Variants in SPSB4 observed in about 807,000 individuals in gnomAD.
SPSB4 encodes the protein splA/ryanodine receptor domain and SOCS box containing 4.
SPSB4 carries 21 observed loss-of-function variants against 20.9 expected under a neutral mutation model. That is an observed-to-expected ratio of 1.01 (90% CI 0.71 to 1.45). The LOEUF (loss-of-function observed/expected upper bound fraction) is 1.45, where lower values mean the gene tolerates loss of function less well. Among genes scored for constraint, SPSB4 ranks in the 40% most tolerant of loss-of-function variants. The pLI, the probability that SPSB4 is intolerant of heterozygous loss-of-function variation, is 0.00. For missense variants in SPSB4, 399 were observed against 399.2 expected, an observed-to-expected ratio of 1.00 and a Z score of 0.00; for synonymous variants, 207 against 183.8, an observed-to-expected ratio of 1.13 and a Z score of -1.02.
At chr3:141,052,019 G>C (rs1370611729) in intron 1 of SPSB4, 27 bp downstream of exon 1, 1 of 152,658 alleles carries the variant, frequency 6.6e-6, no homozygotes, top group Non-Finnish European at 1.5e-5. Context: ...TCCTGGTGAG[G>C]GGCGCGCGGG....
At position 141,132,654 on chromosome 3, in the gene SPSB4, A is replaced by G. The variant is rs578186249; in HGVS notation, c.695-14488A>G. Among the ~76,000 whole-genome samples the G allele has an allele frequency of 4.2e-3, 347 of 83,192 alleles. 1 individual carries two copies. The highest frequency in any genetic ancestry group is 5.6e-3 in the Non-Finnish European group (258 of 46,438). 54.6% of individuals were successfully genotyped at this position (83,192 alleles called of 152,430 possible). On this transcript the variant is annotated intron_variant, in intron 2 of 2. Coordinates refer to ENST00000310546, the MANE Select transcript of SPSB4 (RefSeq NM_080862.3). ...CTGAGTAGTATTCCAAGGTGTGTGT[A>G]TATATATATATATATATTATCATAT...
chr3:141,064,881 C>A (rs760373161), intron 1 of SPSB4, among the ~76,000 whole-genome samples: 38 of 152,304 alleles, frequency 2.5e-4, no homozygotes, highest in Non-Finnish European at 4.7e-4. Context: ...AAACCAGGAT[C>A]CTGTCTCAGG....
chr3:141,113,515 G>T (rs567407060), intron 2 of SPSB4, among the ~76,000 whole-genome samples: 1 of 152,206 alleles, frequency 6.6e-6, no homozygotes, highest in Non-Finnish European at 1.5e-5. Context: ...AAAACATTGT[G>T]CTAAGTGAAA....
At chr3:141,105,939 C>G (rs919521158) in intron 2 of SPSB4, among the ~76,000 whole-genome samples, 1 of 152,194 alleles carries the variant, frequency 6.6e-6, no homozygotes, top group Admixed American at 6.5e-5. Flanking sequence ...TAAAATTCCA[C>G]ACTACATGTG....
chr3:141,112,385 C>T (rs369236844), intron 2 of SPSB4, among the ~76,000 whole-genome samples: 8 of 152,204 alleles, frequency 5.3e-5, no homozygotes, highest in African/African-American at 1.9e-4. Context: ...GTGGCTCACG[C>T]CTGTAATCCC....
chr3:141,093,680 T>C (rs1429603186), intron 2 of SPSB4, among the ~76,000 whole-genome samples: 1 of 152,166 alleles, frequency 6.6e-6, no homozygotes, highest in Non-Finnish European at 1.5e-5. Context: ...TCAGCTGTGC[T>C]TCTCTCCCAT....
chr3:141,121,243 A>T (rs182962831), intron 2 of SPSB4, among the ~76,000 whole-genome samples: 212 of 152,322 alleles, frequency 1.4e-3, no homozygotes, highest in Middle Eastern at 3.4e-3. Flanking sequence ...ATTGCCCCTC[A>T]GTCTCCTCTG....
At chr3:141,067,682 G>C (rs1937916850) in intron 2 of SPSB4, among the ~76,000 whole-genome samples, 1 of 152,162 alleles carries the variant, frequency 6.6e-6, no homozygotes, top group Non-Finnish European at 1.5e-5. Flanking sequence ...GGGAGACAGG[G>C]TGGCCTCTGG....
intron 2 of SPSB4, among the ~76,000 whole-genome samples, chr3:141,106,142 C>CT (rs1305584526): frequency 3.3e-5 from 5 of 152,178 alleles, no homozygotes; most frequent in Admixed American, 3.3e-4. Context: ...GTGGCAGATC[C>CT]TTTTTTTGCA....
At chr3:141,078,792 T>G (rs956461790) in intron 2 of SPSB4, among the ~76,000 whole-genome samples, 6 of 152,234 alleles carry the variant, frequency 3.9e-5, no homozygotes, top group African/African-American at 1.4e-4. Flanking sequence ...GGTGCTCTTG[T>G]GTGCACCACT....
chr3:141,054,986 A>G, intron 1 of SPSB4, among the ~76,000 whole-genome samples: 1 of 151,006 alleles, frequency 6.6e-6, no homozygotes, highest in Admixed American at 6.6e-5. Context: ...AAAAATGCAA[A>G]CCATGCAGGA....
intron 2 of SPSB4, among the ~76,000 whole-genome samples, chr3:141,092,414 C>G (rs776407946): frequency 2.6e-5 from 4 of 152,240 alleles, no homozygotes; most frequent in Non-Finnish European, 5.9e-5. Context: ...ATCTACCATT[C>G]TCGACTATCA....
intron 2 of SPSB4, among the ~76,000 whole-genome samples, chr3:141,135,673 C>G (rs936146679): frequency 3.3e-5 from 5 of 152,104 alleles, no homozygotes; most frequent in Non-Finnish European, 7.4e-5. Flanking sequence ...GACATGAACT[C>G]ATCATTTTTT....
chr3:141,103,533 A>G (rs192027856), intron 2 of SPSB4, among the ~76,000 whole-genome samples: 2 of 152,350 alleles, frequency 1.3e-5, no homozygotes, highest in Admixed American at 1.3e-4. Flanking sequence ...GAAGTATATT[A>G]AAGAAAGGTC....
chr3:141,066,788 C>T lies in SPSB4; in HGVS notation c.684C>T (p.Asn228=), dbSNP rs768764654. 6.5e-7 allele frequency: 1 copy of T among 1,543,940 alleles called. No homozygotes were observed. The highest frequency in any genetic ancestry group is 1.9e-5 in the Admixed American group (1 of 52,404). ...GTGAAGTCACCATGCGCTACATCAA[C>T]GGCCTTGACCGTAAGTTGTGCTGGG... ...GHCEVTMRYI[N]GLDPEPLPLM... is the part of the protein sequence containing the mutation. Residue 228 remains asparagine, a synonymous_variant, in exon 2 of 3, where the codon AAC becomes AAT. Transcript: ENST00000310546.
intron 1 of SPSB4, among the ~76,000 whole-genome samples, chr3:141,061,292 G>A (rs1937755643): frequency 2.6e-5 from 4 of 151,950 alleles, no homozygotes; most frequent in African/African-American, 9.7e-5. Context: ...AAAAAAAAGA[G>A]AGAATAAAGC....
chr3:141,138,702 G>A (rs1939271787), intron 2 of SPSB4, among the ~76,000 whole-genome samples: 1 of 152,186 alleles, frequency 6.6e-6, no homozygotes, highest in Admixed American at 6.5e-5. Context: ...CTGAGAGACA[G>A]TTTGTTATAA....
At chr3:141,126,400 GC>G (rs1167042487) in intron 2 of SPSB4, among the ~76,000 whole-genome samples, 2 of 152,164 alleles carry the variant, frequency 1.3e-5, no homozygotes, top group Non-Finnish European at 2.9e-5. Flanking sequence ...AGACGGAGCA[GC>G]CTGTTGGAAT....
intron 2 of SPSB4, among the ~76,000 whole-genome samples, chr3:141,085,683 A>G (rs1938325422): frequency 6.6e-6 from 1 of 152,236 alleles, no homozygotes; most frequent in African/African-American, 2.4e-5. Flanking sequence ...ACTGTTCTGC[A>G]AAGGATTCTG....
Sources: allele counts gnomAD v4.1 joint callset (sites outside exome capture counted in the v4.1 genomes callset), GRCh38; gene constraint gnomAD v4.1.1; transcripts MANE v1.5; gene names NCBI Gene and HGNC (gene_info 2026-07-23, HGNC 2026-07-21).